The following NCKAP5 variants were observed in gnomAD, a reference collection of about 807,000 sequenced individuals.
NCKAP5 encodes the protein NCK associated protein 5.
In NCKAP5, 92 loss-of-function variants were observed where a neutral mutation model predicts 167.0. The ratio of observed to expected loss-of-function variants is 0.55; its 90% confidence interval spans 0.47 to 0.66. The LOEUF (loss-of-function observed/expected upper bound fraction) is 0.66, where lower values mean the gene tolerates loss of function less well. Among genes scored for constraint, NCKAP5 ranks in the 30% least tolerant of loss-of-function variants. The pLI, the probability that NCKAP5 is intolerant of heterozygous loss-of-function variation, is 0.00. For missense variants in NCKAP5, 2,378 were observed against 2,315.0 expected, an observed-to-expected ratio of 1.03 and a Z score of -0.56; for synonymous variants, 891 against 877.4, an observed-to-expected ratio of 1.02 and a Z score of -0.27.
At chr2:133,486,802 A>C (rs1337475863) in intron 3 of NCKAP5, among the ~76,000 whole-genome samples, 1 of 152,202 alleles carries the variant, frequency 6.6e-6, no homozygotes, top group Non-Finnish European at 1.5e-5. Flanking sequence ...TCATAAAAAC[A>C]ATTAGTAAGC....
At chr2:132,756,032 G>T (rs1412913021) in intron 16 of NCKAP5, among the ~76,000 whole-genome samples, 1 of 151,982 alleles carries the variant, frequency 6.6e-6, no homozygotes, top group African/African-American at 2.4e-5. Flanking sequence ...GAGGAATTGG[G>T]GCTCAAAGAG....
intron 3 of NCKAP5, among the ~76,000 whole-genome samples, chr2:133,354,895 G>A (rs1443832700): frequency 2.0e-5 from 3 of 152,124 alleles, no homozygotes; most frequent in Non-Finnish European, 4.4e-5. Context: ...TATATTCTGA[G>A]TTTCTATATA....
intron 4 of NCKAP5, among the ~76,000 whole-genome samples, chr2:133,222,583 A>T (rs1306171259): frequency 7.7e-6 from 1 of 129,522 alleles, no homozygotes; most frequent in African/African-American, 2.5e-5. Flanking sequence ...AAATATTCTT[A>T]AAAAATAACA....
intron 3 of NCKAP5, among the ~76,000 whole-genome samples, chr2:133,429,713 C>T (rs1027251670): frequency 4.6e-5 from 7 of 152,046 alleles, no homozygotes; most frequent in South Asian, 2.1e-4. Context: ...CCCAATCCAC[C>T]GTTGATGGGC....
At chr2:133,615,528 C>T in the NCKAP5 span, among the ~76,000 whole-genome samples, 1 of 151,922 alleles carries the variant, frequency 6.6e-6, no homozygotes, top group African/African-American at 2.4e-5. Context: ...AGACTTTAAA[C>T]CAACAAAGAT....
intron 2 of NCKAP5, among the ~76,000 whole-genome samples, chr2:133,537,364 C>A (rs183013544): frequency 1.7e-4 from 26 of 152,192 alleles, no homozygotes; most frequent in South Asian, 1.2e-3. Context: ...TGGGAGATTG[C>A]ATTGAGTTTG....
chr2:132,683,284 A>G (rs1352200483), intron 19 of NCKAP5, among the ~76,000 whole-genome samples: 1 of 152,178 alleles, frequency 6.6e-6, no homozygotes, highest in Non-Finnish European at 1.5e-5. Flanking sequence ...AATTCTTCCA[A>G]TCTCATTAGC....
chr2:132,899,839 C>A (rs2148905074), intron 8 of NCKAP5, among the ~76,000 whole-genome samples: 1 of 152,292 alleles, frequency 6.6e-6, no homozygotes, highest in South Asian at 2.1e-4. Context: ...TGAGCCACTA[C>A]ATTCCAGCCT....
intron 5 of NCKAP5, among the ~76,000 whole-genome samples, chr2:133,130,409 C>A (rs914054148): frequency 2.6e-5 from 4 of 152,166 alleles, no homozygotes; most frequent in Non-Finnish European, 5.9e-5. Flanking sequence ...CTGTGAAGAA[C>A]TATGACCCAA....
chr2:132,795,082 T>C (rs1166784777), intron 12 of NCKAP5, among the ~76,000 whole-genome samples: 2 of 152,174 alleles, frequency 1.3e-5, no homozygotes, highest in East Asian at 3.8e-4. Context: ...CTCTCTGAAA[T>C]AGAAAAGAAA....
At chr2:132,823,668 C>T (rs1414774138) in intron 11 of NCKAP5, among the ~76,000 whole-genome samples, 5 of 152,056 alleles carry the variant, frequency 3.3e-5, no homozygotes, top group South Asian at 4.2e-4. Context: ...GGTATTAAGG[C>T]GACAACTAAC....
chr2:133,111,263 C>G (rs558942497), intron 6 of NCKAP5, among the ~76,000 whole-genome samples: 1 of 152,122 alleles, frequency 6.6e-6, no homozygotes, highest in East Asian at 1.9e-4. Context: ...ACAAAGAACC[C>G]TCTAAAAGCA....
chr2:133,103,290 G>T (rs1260329272), intron 6 of NCKAP5, among the ~76,000 whole-genome samples: 1 of 152,146 alleles, frequency 6.6e-6, no homozygotes, highest in African/African-American at 2.4e-5. Context: ...TAGGGCAGTG[G>T]TTAAGAATGA....
In NCKAP5 at chr2:133,352,523, T is replaced by C. The variant is rs146815246; in HGVS notation, c.70-49413A>G. ...GAAGGCCTTTCTAGAGTGTGTTGGG[T>C]AGAGGCAGGGGAAGAGGAGAAAGAA... On this transcript the variant is annotated intron_variant, in intron 3 of 19. Coordinates refer to ENST00000409261, the MANE Select transcript of NCKAP5 (RefSeq NM_207363.3). Among the ~76,000 whole-genome samples, 392 of 152,284 alleles carry C rather than the reference T, an allele frequency of 2.6e-3. 1 individual carries two copies. The highest frequency in any genetic ancestry group is 0.017 in the Middle Eastern group (5 of 294).
At chr2:133,430,341 A>G (rs988053822) in intron 3 of NCKAP5, among the ~76,000 whole-genome samples, 1 of 152,022 alleles carries the variant, frequency 6.6e-6, no homozygotes, top group African/African-American at 2.4e-5. Flanking sequence ...TACTCTGTTG[A>G]GAGTTTCTTT....
chr2:132,748,072 C>T (rs1679798310), intron 16 of NCKAP5, among the ~76,000 whole-genome samples: 1 of 152,196 alleles, frequency 6.6e-6, no homozygotes, highest in East Asian at 1.9e-4. Context: ...TGCCTTAATC[C>T]AGGGCCTCCG....
chr2:133,011,775 T>G (rs144360222), intron 6 of NCKAP5, among the ~76,000 whole-genome samples: 2 of 152,308 alleles, frequency 1.3e-5, no homozygotes, highest in African/African-American at 2.4e-5. Context: ...GATTTTCAGT[T>G]TGGACAGAAG....
chr2:132,984,980 C>T (rs2077248993), intron 7 of NCKAP5, among the ~76,000 whole-genome samples: 1 of 150,574 alleles, frequency 6.6e-6, no homozygotes, highest in South Asian at 2.1e-4. Flanking sequence ...ATGGTAGCCA[C>T]AGAACCTCCT....
chr2:132,919,473 G>C (rs1161094487), intron 8 of NCKAP5, among the ~76,000 whole-genome samples: 2 of 152,134 alleles, frequency 1.3e-5, no homozygotes, highest in Non-Finnish European at 2.9e-5. Flanking sequence ...GGGAGCCACC[G>C]CTGACAGAGA....
Sources: gnomAD v4.1 joint callset for allele counts (sites outside exome capture counted in the v4.1 genomes callset) on GRCh38, gnomAD v4.1.1 for gene constraint, MANE v1.5 for transcripts, NCBI Gene and HGNC (gene_info 2026-07-23, HGNC 2026-07-21) for gene names.